LDLRAD3: variants seen among roughly 807,000 people sequenced by gnomAD.
The protein encoded by LDLRAD3 is low-density lipoprotein receptor class A domain-containing protein 3.
In LDLRAD3, 20 loss-of-function variants were observed where a neutral mutation model predicts 29.4. The ratio of observed to expected loss-of-function variants is 0.68; its 90% CI spans 0.48 to 0.99. The LOEUF (loss-of-function observed/expected upper bound fraction) is 0.99. Ranked by LOEUF, LDLRAD3 falls within the 50% of genes least tolerant of loss-of-function variation. LDLRAD3 has a pLI of 0.00. For missense variants in LDLRAD3, 420 were observed against 454.3 expected (o/e 0.92, Z 0.69); for synonymous variants, 157 against 192.7 (o/e 0.81, Z 1.53).
intron 4 of LDLRAD3, among the ~76,000 whole-genome samples, chr11:36,195,015 C>G (rs769971333): frequency 2.6e-5 from 4 of 152,178 alleles, no homozygotes; most frequent in African/African-American, 4.8e-5. Context: ...TCCTAAACCT[C>G]TCTGTACCTC....
intron 4 of LDLRAD3, among the ~76,000 whole-genome samples, chr11:36,150,336 A>G (rs1239342141): frequency 6.6e-6 from 1 of 152,002 alleles, no homozygotes; most frequent in Non-Finnish European, 1.5e-5. Flanking sequence ...GAGAACAGCC[A>G]GGGCAACAAA....
At chr11:35,993,166 A>C (rs746739610) in intron 1 of LDLRAD3, among the ~76,000 whole-genome samples, 1 of 152,178 alleles carries the variant, frequency 6.6e-6, no homozygotes, top group Non-Finnish European at 1.5e-5. Context: ...TCTGACTCCC[A>C]TTTCACTGTG....
At chr11:36,152,881 A>G (rs760764823) in intron 4 of LDLRAD3, among the ~76,000 whole-genome samples, 2 of 152,140 alleles carry the variant, frequency 1.3e-5, no homozygotes, top group East Asian at 3.9e-4. Context: ...CTCTTAGCAA[A>G]TCTTCACAAT....
intron 1 of LDLRAD3, among the ~76,000 whole-genome samples, chr11:36,006,920 G>A (rs974693115): frequency 1.4e-4 from 22 of 152,314 alleles, no homozygotes; most frequent in African/African-American, 5.3e-4. Flanking sequence ...GCCCAAGAGG[G>A]AGGAAATGGC....
intron 3 of LDLRAD3, among the ~76,000 whole-genome samples, chr11:36,089,021 T>A (rs1198435807): frequency 2.0e-5 from 3 of 152,220 alleles, no homozygotes; most frequent in Non-Finnish European, 4.4e-5. Flanking sequence ...GGTGGTATTA[T>A]AGTGTGGCTC....
At chr11:36,169,403 T>C (rs1442099793) in intron 4 of LDLRAD3, among the ~76,000 whole-genome samples, 1 of 152,214 alleles carries the variant, frequency 6.6e-6, no homozygotes, top group Admixed American at 6.5e-5. Context: ...TGTTTAACTT[T>C]ACGTTTGTAC....
chr11:36,127,041 A>G (rs1403015262), intron 4 of LDLRAD3, among the ~76,000 whole-genome samples: 3 of 152,194 alleles, frequency 2.0e-5, no homozygotes, highest in Non-Finnish European at 4.4e-5. Context: ...CCCATTTTTC[A>G]GTTTTTTACA....
chr11:36,217,852 C>A (rs1383533652), intron 4 of LDLRAD3, among the ~76,000 whole-genome samples: 2 of 152,330 alleles, frequency 1.3e-5, no homozygotes, highest in South Asian at 2.1e-4. Flanking sequence ...TTGTCTGTTT[C>A]TGTGTCATCT....
At position 36,068,057 on chromosome 11, in the gene LDLRAD3, C is replaced by T. The variant is rs79242720; in HGVS notation, c.194-13596C>T. Among the ~76,000 whole-genome samples, 774 of 151,762 alleles carry T rather than the reference C, an allele frequency of 5.1e-3. 3 individuals are homozygous for T. The highest frequency in any genetic ancestry group is 0.018 in the African/African-American group (734 of 41,382). On this transcript the variant is annotated intron_variant, in intron 2 of 5. Transcript: ENST00000315571. ...AATCATCTGCTTATTGTCTCTTTTT[C>T]GTTCTCTTTCTCTTGGCCAGGTGTT...
chr11:36,217,865 T>G (rs913312016), intron 4 of LDLRAD3, among the ~76,000 whole-genome samples: 8 of 152,222 alleles, frequency 5.3e-5, no homozygotes, highest in African/African-American at 1.9e-4. Context: ...TGTCATCTCC[T>G]TCTCTGTCTC....
At chr11:36,201,386 T>G (rs1855124705) in intron 4 of LDLRAD3, among the ~76,000 whole-genome samples, 2 of 152,230 alleles carry the variant, frequency 1.3e-5, no homozygotes, top group South Asian at 4.1e-4. Flanking sequence ...ACATTTTTAG[T>G]GCCCATTGTA....
chr11:36,119,033 C>A (rs2133293987), intron 4 of LDLRAD3, among the ~76,000 whole-genome samples: 1 of 151,946 alleles, frequency 6.6e-6, no homozygotes, highest in African/African-American at 2.4e-5. Context: ...CTTCCCTGGG[C>A]CATATTGGAA....
intron 4 of LDLRAD3, among the ~76,000 whole-genome samples, chr11:36,191,576 CTATATA>C (rs71310173): frequency 3.4e-4 from 18 of 53,428 alleles, no homozygotes; most frequent in East Asian, 6.3e-4. Flanking sequence ...CTCTCTCTCT[CTATATA>C]TATATATATA....
chr11:36,132,230 C>T (rs761066903), intron 4 of LDLRAD3, among the ~76,000 whole-genome samples: 3 of 151,988 alleles, frequency 2.0e-5, no homozygotes, highest in Non-Finnish European at 2.9e-5. Context: ...GAGCGGAAGA[C>T]GGAAAATAAA....
At chr11:36,062,827 C>T (rs1310771109) in intron 2 of LDLRAD3, among the ~76,000 whole-genome samples, 1 of 152,196 alleles carries the variant, frequency 6.6e-6, no homozygotes, top group Non-Finnish European at 1.5e-5. Flanking sequence ...AACTGTGAGT[C>T]AATTAAACCT....
chr11:36,111,264 T>TGGGGAATC (rs1442787686), intron 4 of LDLRAD3, among the ~76,000 whole-genome samples: 1 of 152,172 alleles, frequency 6.6e-6, no homozygotes, highest in African/African-American at 2.4e-5. Flanking sequence ...AGGATGAGCC[T>TGGGGAATC]GGGGAATCGG....
chr11:36,087,833 G>T lies in LDLRAD3; in HGVS notation c.319+6055G>T, dbSNP rs187869778. Among the ~76,000 whole-genome samples the T allele has an allele frequency of 2.5e-3, 374 of 151,910 alleles. 1 individual carries two copies. Among genetic ancestry groups the T allele is most frequent in the African/African-American group, 8.7e-3 (362 of 41,394 alleles). Reference sequence around the variant, plus strand: ...CTCAGGTGATTCTTCTACCTCAGCTGCCCAAGAGTAGCTGGGACTTCAGGC... The same window carrying T: ...CTCAGGTGATTCTTCTACCTCAGCTTCCCAAGAGTAGCTGGGACTTCAGGC... On this transcript the variant is annotated intron_variant, in intron 3 of 5. Coordinates refer to ENST00000315571, the MANE Select transcript of LDLRAD3 (RefSeq NM_174902.4).
chr11:36,013,765 C>T (rs1428693337), intron 1 of LDLRAD3, among the ~76,000 whole-genome samples: 1 of 135,610 alleles, frequency 7.4e-6, no homozygotes, highest in African/African-American at 2.8e-5. Context: ...AGTTTGCAAA[C>T]CCCCAGGGGA....
chr11:36,181,485 A>AG (rs1854762269), intron 4 of LDLRAD3, among the ~76,000 whole-genome samples: 1 of 152,056 alleles, frequency 6.6e-6, no homozygotes, highest in South Asian at 2.1e-4. Context: ...GTCTTTTCCA[A>AG]GGCCAAGCTC....
Sources: allele counts gnomAD v4.1 joint callset (sites outside exome capture counted in the v4.1 genomes callset), GRCh38; gene constraint gnomAD v4.1.1; transcripts MANE v1.5; gene names NCBI Gene and HGNC (gene_info 2026-07-23, HGNC 2026-07-21).